Variants in ZBTB20 observed in about 807,000 individuals in gnomAD.
ZBTB20 encodes zinc finger and BTB domain containing 20, also known as zinc finger and BTB domain-containing protein 20.
In ZBTB20, 9 loss-of-function variants were observed where a neutral mutation model predicts 56.9. The ratio of observed to expected loss-of-function variants is 0.16; its 90% CI spans 0.10 to 0.28. The LOEUF (loss-of-function observed/expected upper bound fraction) is 0.28. ZBTB20 is among the 10% of genes least tolerant of loss of function. The pLI is 1.00. For missense variants in ZBTB20, 655 were observed against 1,003.0 expected, an observed-to-expected ratio of 0.65 and a Z score of 4.69; for synonymous variants, 417 against 420.7, an observed-to-expected ratio of 0.99 and a Z score of 0.11.
At chr3:114,834,225 C>A (rs2074005556) in intron 4 of ZBTB20, among the ~76,000 whole-genome samples, 1 of 152,122 alleles carries the variant, frequency 6.6e-6, no homozygotes, top group African/African-American at 2.4e-5. Context: ...TAGAGCCTAA[C>A]TTAGATCCTT....
rs1317837612 is a variant in ZBTB20 at position 114,319,662 on chromosome 3, T to C, written c.*19343A>G. ...GCATATGCTGATACCAATGAGTCAC[T>C]GACAGTCCCCAGGTTGTACAACTAT... On this transcript the variant is annotated 3_prime_UTR_variant, in exon 12 of 12. Coordinates refer to ENST00000675478, the MANE Select transcript of ZBTB20 (RefSeq NM_001348800.3). 1 of 152,180 alleles carries C rather than the reference T, an allele frequency of 6.6e-6. No homozygotes were observed. The allele number at this position is 152,180 out of a possible 1,614,324, so 9.4% of individuals were successfully genotyped here.
intron 3 of ZBTB20, chr3:114,930,896 A>T: frequency 4.4e-6 from 1 of 225,738 alleles, no homozygotes; most frequent in Non-Finnish European, 9.6e-6. Context: ...TGTAGAGTCC[A>T]GTTGATAGCA....
intron 5 of ZBTB20, among the ~76,000 whole-genome samples, chr3:114,720,068 CATATATAAT>C (rs2064806186): frequency 6.7e-6 from 1 of 149,282 alleles, no homozygotes; most frequent in African/African-American, 2.5e-5. Flanking sequence ...ATAATTCTTA[CATATATAAT>C]ATATATAATG....
intron 5 of ZBTB20, among the ~76,000 whole-genome samples, chr3:114,799,474 G>T (rs779604897): frequency 6.6e-6 from 1 of 151,862 alleles, no homozygotes; most frequent in African/African-American, 2.4e-5. Flanking sequence ...TCTTCTTCCT[G>T]ACTGTCAAAA....
intron 2 of ZBTB20, among the ~76,000 whole-genome samples, chr3:115,026,533 C>T (rs749853512): frequency 1.3e-5 from 2 of 150,808 alleles, no homozygotes; most frequent in Non-Finnish European, 1.5e-5. Flanking sequence ...TACGTATCTA[C>T]CAACCCACTA....
At chr3:114,978,145 T>C (rs1165483867) in intron 2 of ZBTB20, among the ~76,000 whole-genome samples, 1 of 151,148 alleles carries the variant, frequency 6.6e-6, no homozygotes, top group African/African-American at 2.4e-5. Context: ...TAAATAAACA[T>C]ATTATTCTAC....
intron 7 of ZBTB20, among the ~76,000 whole-genome samples, chr3:114,405,429 C>T (rs144069521): frequency 3.9e-5 from 6 of 152,186 alleles, no homozygotes; most frequent in Non-Finnish European, 7.4e-5. Flanking sequence ...CTCAGTCTGA[C>T]GGTCTTATCA....
intron 2 of ZBTB20, among the ~76,000 whole-genome samples, chr3:114,979,752 A>G (rs982960808): frequency 6.6e-6 from 1 of 152,052 alleles, no homozygotes; most frequent in Non-Finnish European, 1.5e-5. Flanking sequence ...TCCTTCAAAG[A>G]CTGGAAAAGC....
At chr3:114,347,095 T>G (rs1185088753) in intron 11 of ZBTB20, among the ~76,000 whole-genome samples, 4 of 140,464 alleles carry the variant, frequency 2.8e-5, no homozygotes, top group Non-Finnish European at 3.1e-5. Context: ...TTTTTTTTTT[T>G]TTTTTTTTTT....
At chr3:114,592,805 TATATA>T (rs1369409611) in intron 6 of ZBTB20, among the ~76,000 whole-genome samples, 1 of 152,214 alleles carries the variant, frequency 6.6e-6, no homozygotes, top group African/African-American at 2.4e-5. Flanking sequence ...GTGTTTTGTT[TATATA>T]ATATTTTATT....
At chr3:114,424,054 C>T (rs903242192) in intron 7 of ZBTB20, among the ~76,000 whole-genome samples, 11 of 152,152 alleles carry the variant, frequency 7.2e-5, no homozygotes, top group Admixed American at 6.5e-4. Flanking sequence ...AAGCGATTTC[C>T]TTGTTTGCTT....
At chr3:114,584,396 A>T (rs1334103223) in intron 6 of ZBTB20, among the ~76,000 whole-genome samples, 2 of 152,218 alleles carry the variant, frequency 1.3e-5, no homozygotes, top group South Asian at 4.1e-4. Context: ...GGAACTTTAG[A>T]AAGAAAAAGC....
intron 7 of ZBTB20, among the ~76,000 whole-genome samples, chr3:114,451,594 G>A (rs747293000): frequency 1.2e-4 from 18 of 148,894 alleles, no homozygotes; most frequent in South Asian, 2.1e-4. Context: ...ATGCATGTGC[G>A]CACACACGCT....
intron 2 of ZBTB20, among the ~76,000 whole-genome samples, chr3:115,038,529 G>T (rs1035516715): frequency 6.6e-6 from 1 of 152,042 alleles, no homozygotes. Context: ...AATAAGCAAT[G>T]AAAATAACAT....
At chr3:114,419,641 A>C (rs2088940581) in intron 7 of ZBTB20, among the ~76,000 whole-genome samples, 1 of 152,116 alleles carries the variant, frequency 6.6e-6, no homozygotes, top group Non-Finnish European at 1.5e-5. Flanking sequence ...ATTATTTTAC[A>C]GGATTTAGAC....
rs79689292 is a variant in ZBTB20 at position 115,083,707 on chromosome 3, C to T, written c.-702-12293G>A. Among the ~76,000 whole-genome samples, 1,219 of 151,960 alleles carry T rather than the reference C, an allele frequency of 8.0e-3. 9 individuals carry two copies. The highest frequency in any genetic ancestry group is 9.0e-3 in the Non-Finnish European group (613 of 67,872). The stretch of plus-strand genomic sequence containing the variant: ...TTTTCTACCTATTGTCCAGCAGGCT[C>T]ATTGGCCTATAGCATAGGGGTCAAT... On this transcript the variant is annotated intron_variant, in intron 1 of 11. Transcript: ENST00000675478.
At chr3:115,008,246 A>C (rs993156699) in intron 2 of ZBTB20, among the ~76,000 whole-genome samples, 2 of 151,858 alleles carry the variant, frequency 1.3e-5, no homozygotes, top group Non-Finnish European at 2.9e-5. Context: ...CTTCACTCCA[A>C]AATGATATTT....
At chr3:114,978,376 AAAT>A (rs1395898339) in intron 2 of ZBTB20, among the ~76,000 whole-genome samples, 2 of 150,504 alleles carry the variant, frequency 1.3e-5, no homozygotes, top group Non-Finnish European at 3.0e-5. Context: ...AATACATATG[AAAT>A]AATATTAATC....
At chr3:114,548,612 G>A (rs2050194649) in intron 6 of ZBTB20, among the ~76,000 whole-genome samples, 1 of 151,020 alleles carries the variant, frequency 6.6e-6, no homozygotes, top group South Asian at 2.1e-4. Context: ...TCTGCCTCTT[G>A]GGTTCAAGTG....
Sources: allele counts gnomAD v4.1 joint callset (sites outside exome capture counted in the v4.1 genomes callset), GRCh38; gene constraint gnomAD v4.1.1; transcripts MANE v1.5; gene names NCBI Gene and HGNC (gene_info 2026-07-23, HGNC 2026-07-21).